Variants in RANBP2 observed in about 807,000 individuals in gnomAD.
RANBP2 encodes E3 SUMO-protein ligase RanBP2.
Under a neutral mutation model 303.6 loss-of-function variants are expected in RANBP2, and 57 were observed. The observed-to-expected ratio is 0.19, with a 90% CI of 0.15 to 0.23. The LOEUF (loss-of-function observed/expected upper bound fraction) is 0.23, where lower values mean the gene tolerates loss of function less well. Ranked by LOEUF, RANBP2 falls within the 10% of genes least tolerant of loss-of-function variation. The probability of loss-of-function intolerance (pLI) is 1.00; values close to 1 mark genes in which losing one functional copy is unlikely to be tolerated. For synonymous variants in RANBP2, 1,167 were observed against 1,301.5 expected, an observed-to-expected ratio of 0.90 and a Z score of 2.23; for missense variants, 3,138 against 3,780.8, an observed-to-expected ratio of 0.83 and a Z score of 4.46.
At chr2:108,885,486 T>C in the RANBP2 span, 1 of 152,230 alleles carries the variant, frequency 6.6e-6, no homozygotes, top group Non-Finnish European at 1.5e-5. Context: ...AAGTACTGTA[T>C]CTGTAAAAAT....
At chr2:108,849,336 T>C in the RANBP2 span, among the ~76,000 whole-genome samples, 1 of 152,160 alleles carries the variant, frequency 6.6e-6, no homozygotes, top group African/African-American at 2.4e-5. Context: ...GTGAAAACTA[T>C]AAACACACAA....
At chr2:109,625,564 TC>T in the RANBP2 span, among the ~76,000 whole-genome samples, 2 of 150,846 alleles carry the variant, frequency 1.3e-5, no homozygotes, top group African/African-American at 4.9e-5. Flanking sequence ...TACTCGGAAG[TC>T]TGAGGAAGGA....
the RANBP2 span, among the ~76,000 whole-genome samples, chr2:109,659,828 G>C: frequency 1.3e-5 from 2 of 152,212 alleles, no homozygotes; most frequent in Non-Finnish European, 2.9e-5. Flanking sequence ...CTCCAGTCTG[G>C]GAGGGCTGAT....
the RANBP2 span, among the ~76,000 whole-genome samples, chr2:108,841,125 C>T: frequency 2.0e-5 from 3 of 152,042 alleles, no homozygotes; most frequent in Non-Finnish European, 4.4e-5. Flanking sequence ...TGTGAGCCAC[C>T]GTGTCTGGCT....
At chr2:109,567,877 C>T in the RANBP2 span, 56 of 1,613,834 alleles carry the variant, frequency 3.5e-5, 1 homozygote, top group South Asian at 4.4e-5. Context: ...TATATCTGGA[C>T]GCCATTGCTG....
At chr2:109,131,299 C>G in the RANBP2 span, among the ~76,000 whole-genome samples, 3 of 152,088 alleles carry the variant, frequency 2.0e-5, no homozygotes, top group Non-Finnish European at 4.4e-5. Context: ...AGGATAGTCA[C>G]TGGGGGTCAC....
chr2:109,474,096 C>G, the RANBP2 span, among the ~76,000 whole-genome samples: 2 of 152,112 alleles, frequency 1.3e-5, no homozygotes, highest in Non-Finnish European at 2.9e-5. Flanking sequence ...GATGCACAGT[C>G]TGGGCCGGGC....
At chr2:109,573,895 G>A in the RANBP2 span, among the ~76,000 whole-genome samples, 1 of 152,018 alleles carries the variant, frequency 6.6e-6, no homozygotes, top group East Asian at 1.9e-4. Context: ...TGTATTTTAC[G>A]ACAATATCTA....
chr2:109,086,449 G>A, the RANBP2 span, among the ~76,000 whole-genome samples: 1 of 152,190 alleles, frequency 6.6e-6, no homozygotes, highest in African/African-American at 2.4e-5. Flanking sequence ...ATTGGTGGGG[G>A]TCTCGTTTTA....
At chr2:109,463,608 C>T in the RANBP2 span, among the ~76,000 whole-genome samples, 2 of 152,138 alleles carry the variant, frequency 1.3e-5, no homozygotes, top group Non-Finnish European at 2.9e-5. Flanking sequence ...AACTTGGTAA[C>T]AAACAGGGAC....
chr2:108,790,343 CT>C (rs1260341950), downstream of RANBP2, among the ~76,000 whole-genome samples: 1 of 152,068 alleles, frequency 6.6e-6, no homozygotes, highest in African/African-American at 2.4e-5. Flanking sequence ...GGGTATAACT[CT>C]AAACTATAAT....
chr2:108,788,794 C>T (rs1169460024), downstream of RANBP2: 8 of 1,605,834 alleles, frequency 5.0e-6, no homozygotes, highest in African/African-American at 9.4e-5. Context: ...TGGCCAGTGC[C>T]AGATATTTTG....
At chr2:109,370,132 G>T in the RANBP2 span, among the ~76,000 whole-genome samples, 1 of 152,240 alleles carries the variant, frequency 6.6e-6, no homozygotes, top group Non-Finnish European at 1.5e-5. Flanking sequence ...GAAGGGAACA[G>T]AGGTTCGCCA....
chr2:108,868,831 A>G, the RANBP2 span, among the ~76,000 whole-genome samples: 2 of 152,250 alleles, frequency 1.3e-5, no homozygotes, highest in African/African-American at 2.4e-5. Flanking sequence ...TTGGGCAGAA[A>G]CAAAGAATCT....
chr2:108,749,747 C>T (rs1314754832), intron 9 of RANBP2, among the ~76,000 whole-genome samples: 2 of 152,092 alleles, frequency 1.3e-5, no homozygotes, highest in Non-Finnish European at 2.9e-5. Flanking sequence ...ACATGCCACT[C>T]GGCCCAGATA....
the RANBP2 span, among the ~76,000 whole-genome samples, chr2:109,181,010 A>G: frequency 1.3e-5 from 2 of 151,914 alleles, no homozygotes; most frequent in African/African-American, 2.4e-5. Context: ...CTACTTACCA[A>G]TTTTCCCCTT....
chr2:108,960,423 A>T, the RANBP2 span, among the ~76,000 whole-genome samples: 5 of 152,260 alleles, frequency 3.3e-5, no homozygotes, highest in East Asian at 9.7e-4. Context: ...GCTCCCCCCA[A>T]AAACAGGATA....
chr2:109,011,809 C>T, the RANBP2 span, among the ~76,000 whole-genome samples: 1 of 152,160 alleles, frequency 6.6e-6, no homozygotes, highest in East Asian at 1.9e-4. Flanking sequence ...TCTTAATTTC[C>T]CAAAGCTCTT....
At chr2:109,329,183 C>T in the RANBP2 span, among the ~76,000 whole-genome samples, 1 of 152,144 alleles carries the variant, frequency 6.6e-6, no homozygotes, top group African/African-American at 2.4e-5. Flanking sequence ...GTTTGGTGTT[C>T]CCTCTGTGCT....
Sources: gnomAD v4.1 joint callset for allele counts (sites outside exome capture counted in the v4.1 genomes callset) on GRCh38, gnomAD v4.1.1 for gene constraint, MANE v1.5 for transcripts, NCBI Gene and HGNC (gene_info 2026-07-23, HGNC 2026-07-21) for gene names.